The following PCDHGB1 variants were observed in gnomAD, a reference collection of about 807,000 sequenced individuals.
PCDHGB1 encodes protocadherin gamma-B1.
In PCDHGB1, 34 loss-of-function variants were observed where a neutral mutation model predicts 56.6. The ratio of observed to expected loss-of-function variants is 0.60; its 90% CI spans 0.46 to 0.80. The LOEUF is 0.80. Ranked by LOEUF, PCDHGB1 falls within the 30% of genes least tolerant of loss-of-function variation. The probability of loss-of-function intolerance (pLI) is 0.00; values close to 1 mark genes in which losing one functional copy is unlikely to be tolerated. For synonymous variants in PCDHGB1, 561 were observed against 505.9 expected (o/e 1.11, Z -1.46); for missense variants, 1,278 against 1,204.6 (o/e 1.06, Z -0.90).
chr5:141,374,731 T>C (rs922018990), intron 1 of PCDHGB1: 7 of 1,610,566 alleles, frequency 4.3e-6, no homozygotes, highest in Non-Finnish European at 4.2e-6. Flanking sequence ...CTGCCATGGA[T>C]GGCGGCGACC....
intron 1 of PCDHGB1, among the ~76,000 whole-genome samples, chr5:141,438,792 G>T (rs2098065674): frequency 6.7e-6 from 1 of 149,346 alleles, no homozygotes. Flanking sequence ...CTCTCCAGTA[G>T]CTGGGATTAC....
At chr5:141,402,971 T>C in intron 1 of PCDHGB1, 2 of 1,608,370 alleles carry the variant, frequency 1.2e-6, no homozygotes. Flanking sequence ...TCCAACCAAA[T>C]GCCAGCTCCG....
chr5:141,419,470 G>A (rs2096387963), intron 1 of PCDHGB1: 1 of 1,612,362 alleles, frequency 6.2e-7, no homozygotes, highest in African/African-American at 1.3e-5. Context: ...CCCGCGACCA[G>A]GGCTCGCCCG....
chr5:141,423,755 G>GGGA, intron 1 of PCDHGB1: 3 of 512,508 alleles, frequency 5.9e-6, no homozygotes, highest in Non-Finnish European at 7.8e-6. Flanking sequence ...CTGTTTGGGG[G>GGGA]GGGGGTGGGG....
chr5:141,384,356 A>G, intron 1 of PCDHGB1: 3 of 1,613,862 alleles, frequency 1.9e-6, no homozygotes, highest in Non-Finnish European at 1.7e-6. Flanking sequence ...GATAATGCCC[A>G]GATCACTTAT....
chr5:141,413,548 A>G, intron 1 of PCDHGB1: 1 of 1,613,946 alleles, frequency 6.2e-7, no homozygotes, highest in Non-Finnish European at 8.5e-7. Context: ...TGGGATAGAA[A>G]TAGAAGTAAC....
At chr5:141,374,599 C>T (rs948691402) in intron 1 of PCDHGB1, 10 of 1,613,528 alleles carry the variant, frequency 6.2e-6, no homozygotes, top group African/African-American at 1.3e-5. Context: ...GATTTAAGCT[C>T]AGTGGTAATA....
chr5:141,414,180 A>G, intron 1 of PCDHGB1: 2 of 1,608,986 alleles, frequency 1.2e-6, no homozygotes, highest in Middle Eastern at 1.7e-4. Context: ...TTGCAACTGC[A>G]AAAGTGTTGA....
chr5:141,376,635 T>C, intron 1 of PCDHGB1: 3 of 1,245,578 alleles, frequency 2.4e-6, no homozygotes, highest in Non-Finnish European at 3.3e-6. Flanking sequence ...AGATTCGTGA[T>C]TTTGTAAAGT....
Position 141,511,151 on chromosome 5 carries a change from C to T in PCDHGB1, c.2762C>T (p.Ser921Leu), listed in dbSNP as rs202071188. The T allele has an allele frequency of 3.0e-5, 49 of 1,614,152 alleles. No individual in the cohort carries two copies. The highest frequency in any genetic ancestry group is 2.6e-4 in the South Asian group (24 of 91,066). The change falls in exon 4 of 4, where the codon TCG becomes TTG. Residue 921 changes from serine (S) to leucine (L), a missense_variant. Ser to Leu is a moderately radical substitution (Grantham distance 145, BLOSUM62 -2). Coordinates refer to ENST00000523390, the MANE Select transcript of PCDHGB1 (RefSeq NM_018922.3). ...GGTGGCAATGGCAACAAGAAGAAGT[C>T]GGGCAAGAAGGAGAAGAAGTAACAT... ...PAGGNGNKKK[S>L]GKKEKK
At chr5:141,435,390 C>T (rs2097760754) in intron 1 of PCDHGB1, among the ~76,000 whole-genome samples, 1 of 152,052 alleles carries the variant, frequency 6.6e-6, no homozygotes, top group Non-Finnish European at 1.5e-5. Flanking sequence ...ACCGTATTGC[C>T]ATGACGAAAA....
At chr5:141,446,624 G>C (rs1433894248) in intron 1 of PCDHGB1, among the ~76,000 whole-genome samples, 1 of 151,930 alleles carries the variant, frequency 6.6e-6, no homozygotes, top group African/African-American at 2.4e-5. Flanking sequence ...CTACAGGCGT[G>C]CACCACCACG....
intron 1 of PCDHGB1, chr5:141,357,637 A>G: frequency 6.2e-7 from 1 of 1,612,586 alleles, no homozygotes; most frequent in Non-Finnish European, 8.5e-7. Flanking sequence ...TCAATCTTAT[A>G]ATAGATCATA....
chr5:141,476,672 A>T lies in PCDHGB1; in HGVS notation c.2410-18135A>T. 6.2e-7 allele frequency: 1 copy of T among 1,614,206 alleles called. No individual in the cohort carries two copies. Among genetic ancestry groups the T allele is most frequent in the African/African-American group, 1.3e-5 (1 of 75,058 alleles). ...TGAATACTTTGCGCTTCGCGTGCAG[A>T]CGCGGGAGGACAGCACCAAGTACGC... On this transcript the variant is annotated intron_variant, in intron 1 of 3. Transcript: ENST00000523390. The surrounding 1 kb of genome is among the most constrained non-coding windows in gnomAD (Gnocchi z 7.6).
At chr5:141,482,235 T>C (rs2099554999) in intron 1 of PCDHGB1, among the ~76,000 whole-genome samples, 1 of 152,174 alleles carries the variant, frequency 6.6e-6, no homozygotes, top group Non-Finnish European at 1.5e-5. Context: ...AAATTGCCAA[T>C]ATAAGTATAG....
Position 141,486,266 on chromosome 5 carries a change from C to G in PCDHGB1, c.2410-8541C>G, listed in dbSNP as rs1311684194. On this transcript the variant is annotated intron_variant, in intron 1 of 3. Transcript: ENST00000523390. The surrounding 1 kb of genome is among the most constrained non-coding windows in gnomAD (Gnocchi z 5.0). Reference sequence around the variant, plus strand: ...TGGAACCCTCCCCGAGAGTGCAGAACCTGGCACTGTGGTGGCACTTATCAG... The same window carrying G: ...TGGAACCCTCCCCGAGAGTGCAGAAGCTGGCACTGTGGTGGCACTTATCAG... 1 of 1,614,098 alleles carries G rather than the reference C, an allele frequency of 6.2e-7. No individual in the cohort carries two copies.
chr5:141,423,674 C>G (rs57195665), intron 1 of PCDHGB1: 15 of 1,514,742 alleles, frequency 9.9e-6, no homozygotes, highest in African/African-American at 2.9e-5. Flanking sequence ...AGATTTATTT[C>G]TCTGCCTCCT....
At chr5:141,454,409 T>G (rs1221091875) in intron 1 of PCDHGB1, among the ~76,000 whole-genome samples, 1 of 152,162 alleles carries the variant, frequency 6.6e-6, no homozygotes, top group Non-Finnish European at 1.5e-5. Flanking sequence ...TTATTCCTTT[T>G]TATTTATTTA....
chr5:141,361,413 C>T (rs1294377498), intron 1 of PCDHGB1: 1 of 1,613,902 alleles, frequency 6.2e-7, no homozygotes, highest in African/African-American at 1.3e-5. Context: ...CAGCCACCGA[C>T]GGGGGCAAGC....
Sources: gnomAD v4.1 joint callset for allele counts (sites outside exome capture counted in the v4.1 genomes callset) on GRCh38, gnomAD v4.1.1 for gene constraint, Gnocchi (gnomAD v3.1) non-coding constraint, MANE v1.5 for transcripts, NCBI Gene and HGNC (gene_info 2026-07-23, HGNC 2026-07-21) for gene names.